Variants in ENOX1 observed in about 807,000 individuals in gnomAD.
The protein encoded by ENOX1 is ecto-NOX disulfide-thiol exchanger 1.
Under a neutral mutation model 82.5 loss-of-function variants are expected in ENOX1, and 42 were observed. The observed-to-expected ratio is 0.51, with a 90% CI of 0.40 to 0.66. The LOEUF is 0.66. ENOX1 is among the 30% of genes least tolerant of loss of function. The pLI is 0.00. For synonymous variants in ENOX1, 271 were observed against 282.2 expected (o/e 0.96, Z 0.40); for missense variants, 608 against 811.6 (o/e 0.75, Z 3.05).
chr13:43,243,903 C>A (rs115403313), intron 14 of ENOX1, among the ~76,000 whole-genome samples: 24 of 152,026 alleles, frequency 1.6e-4, no homozygotes, highest in African/African-American at 5.8e-4. Flanking sequence ...ATTTTACACA[C>A]AGCACAAGTC....
intron 1 of ENOX1, among the ~76,000 whole-genome samples, chr13:43,762,694 A>G (rs1244913244): frequency 6.6e-6 from 1 of 152,224 alleles, no homozygotes; most frequent in Admixed American, 6.5e-5. Context: ...CACTCATGGT[A>G]GCCAGCTGTG....
At chr13:43,330,244 C>T (rs1248399741) in intron 9 of ENOX1, among the ~76,000 whole-genome samples, 2 of 152,188 alleles carry the variant, frequency 1.3e-5, no homozygotes, top group African/African-American at 4.8e-5. Flanking sequence ...AACAAGATGG[C>T]ATTGGCATTT....
chr13:43,709,842 A>C (rs910410747), intron 1 of ENOX1, among the ~76,000 whole-genome samples: 4 of 152,178 alleles, frequency 2.6e-5, no homozygotes, highest in Non-Finnish European at 5.9e-5. Flanking sequence ...ATAAAACAAT[A>C]ATCATAAAAA....
intron 1 of ENOX1, among the ~76,000 whole-genome samples, chr13:43,721,362 T>C (rs962354994): frequency 1.4e-5 from 2 of 146,344 alleles, no homozygotes; most frequent in Non-Finnish European, 3.0e-5. Context: ...AAAAAGCTTT[T>C]ATATATTTTA....
At chr13:43,752,716 C>G (rs889556716) in intron 1 of ENOX1, among the ~76,000 whole-genome samples, 5 of 152,088 alleles carry the variant, frequency 3.3e-5, no homozygotes, top group Admixed American at 1.3e-4. Context: ...TTCTTCTGTT[C>G]CAAGGATCTA....
chr13:43,397,521 T>G (rs1447569369), intron 5 of ENOX1, among the ~76,000 whole-genome samples: 1 of 152,178 alleles, frequency 6.6e-6, no homozygotes, highest in African/African-American at 2.4e-5. Flanking sequence ...AATGGTCCCA[T>G]CCAGTGAAGT....
chr13:43,540,883 G>A (rs1017668750), intron 2 of ENOX1, among the ~76,000 whole-genome samples: 2 of 152,162 alleles, frequency 1.3e-5, no homozygotes, highest in Non-Finnish European at 2.9e-5. Context: ...ATAGCTTTGA[G>A]ATGCCTCTGA....
chr13:43,522,224 G>A (rs1252241333), intron 2 of ENOX1, among the ~76,000 whole-genome samples: 1 of 152,086 alleles, frequency 6.6e-6, no homozygotes, highest in Non-Finnish European at 1.5e-5. Flanking sequence ...CTAAACCACA[G>A]AGATCTAGAT....
chr13:43,679,062 T>C (rs2085655297), intron 1 of ENOX1, among the ~76,000 whole-genome samples: 1 of 152,216 alleles, frequency 6.6e-6, no homozygotes, highest in East Asian at 1.9e-4. Context: ...GCACTAATAC[T>C]CTCTTCATTT....
At chr13:43,295,673 A>C (rs191572369) in intron 12 of ENOX1, among the ~76,000 whole-genome samples, 49 of 152,300 alleles carry the variant, frequency 3.2e-4, no homozygotes, top group African/African-American at 1.1e-3. Context: ...TCTCTCTGTC[A>C]TCTTTCATGT....
intron 3 of ENOX1, among the ~76,000 whole-genome samples, chr13:43,425,228 T>C (rs543436146): frequency 6.6e-6 from 1 of 152,156 alleles, no homozygotes; most frequent in Admixed American, 6.5e-5. Context: ...CTACACCTGG[T>C]TATCTCAGCA....
At chr13:43,460,495 T>G (rs2057418550) in intron 3 of ENOX1, among the ~76,000 whole-genome samples, 1 of 152,040 alleles carries the variant, frequency 6.6e-6, no homozygotes, top group African/African-American at 2.4e-5. Context: ...ATGTGGAACT[T>G]TCTGTGTTAA....
chr13:43,455,724 A>T (rs2057195438), intron 3 of ENOX1, among the ~76,000 whole-genome samples: 1 of 152,168 alleles, frequency 6.6e-6, no homozygotes. Flanking sequence ...AGTGGGAGAC[A>T]CTTGAATCAT....
chr13:43,648,760 A>G (rs2084015179), intron 2 of ENOX1, among the ~76,000 whole-genome samples: 1 of 152,180 alleles, frequency 6.6e-6, no homozygotes, highest in Admixed American at 6.5e-5. Flanking sequence ...TATTTTTACC[A>G]TATTTTATGA....
At chr13:43,243,446 T>C (rs1440269043) in intron 14 of ENOX1, among the ~76,000 whole-genome samples, 1 of 152,184 alleles carries the variant, frequency 6.6e-6, no homozygotes, top group African/African-American at 2.4e-5. Flanking sequence ...CTACTCTCGG[T>C]TCTACGTGTT....
At chr13:43,736,402 T>A (rs1420959072) in intron 1 of ENOX1, among the ~76,000 whole-genome samples, 2 of 152,194 alleles carry the variant, frequency 1.3e-5, no homozygotes, top group Non-Finnish European at 2.9e-5. Context: ...TGATGAAAAC[T>A]TTAATTTCTA....
chr13:43,415,460 T>C (rs1299296666), intron 3 of ENOX1, among the ~76,000 whole-genome samples: 1 of 152,106 alleles, frequency 6.6e-6, no homozygotes, highest in Non-Finnish European at 1.5e-5. Context: ...TTAACGAACA[T>C]GCTGCCTTCA....
At chr13:43,460,600 C>T (rs1026745027) in intron 3 of ENOX1, among the ~76,000 whole-genome samples, 3 of 151,908 alleles carry the variant, frequency 2.0e-5, no homozygotes, top group African/African-American at 4.8e-5. Flanking sequence ...CGACACCATC[C>T]CGGCTAACAC....
chr13:43,284,641 CTG>C (rs1259592087), intron 12 of ENOX1, among the ~76,000 whole-genome samples: 2 of 152,096 alleles, frequency 1.3e-5, no homozygotes, highest in Non-Finnish European at 2.9e-5. Context: ...TGAAAAGTCA[CTG>C]TGTTGGTCTT....
Sources: allele counts gnomAD v4.1 joint callset (sites outside exome capture counted in the v4.1 genomes callset), GRCh38; gene constraint gnomAD v4.1.1; transcripts MANE v1.5; gene names NCBI Gene and HGNC (gene_info 2026-07-23, HGNC 2026-07-21).